TMCC1: variants seen among roughly 807,000 people sequenced by gnomAD.
TMCC1 encodes the protein transmembrane and coiled-coil domain family 1, also known as transmembrane and coiled-coil domains protein 1.
A neutral mutation model predicts 52.4 loss-of-function variants in TMCC1; 15 were observed. That is an observed-to-expected ratio of 0.29 (90% confidence interval 0.19 to 0.44). TMCC1 has a LOEUF of 0.44. Among genes scored for constraint, TMCC1 ranks in the 20% least tolerant of loss-of-function variants. TMCC1 has a pLI of 1.00. For synonymous variants in TMCC1, 279 were observed against 301.9 expected, an observed-to-expected ratio of 0.92 and a Z score of 0.79; for missense variants, 503 against 806.0, an observed-to-expected ratio of 0.62 and a Z score of 4.55.
intron 4 of TMCC1, among the ~76,000 whole-genome samples, chr3:129,700,302 CAAAA>C (rs1039511091): frequency 6.6e-6 from 1 of 151,784 alleles, no homozygotes; most frequent in Non-Finnish European, 1.5e-5. Context: ...ATAAAAAAGA[CAAAA>C]AAACCTATTA....
chr3:129,760,944 GTTCA>G (rs940082389), intron 4 of TMCC1, among the ~76,000 whole-genome samples: 2 of 152,054 alleles, frequency 1.3e-5, no homozygotes, highest in African/African-American at 4.8e-5. Context: ...ATACTTTAGA[GTTCA>G]TTCTTTGTGT....
chr3:129,753,693 T>G (rs1576693614), intron 4 of TMCC1, among the ~76,000 whole-genome samples: 1 of 152,166 alleles, frequency 6.6e-6, no homozygotes, highest in African/African-American at 2.4e-5. Flanking sequence ...AGAAGGAAAC[T>G]TCCTTAAACT....
chr3:129,653,579 G>A (rs2086480647), intron 6 of TMCC1, among the ~76,000 whole-genome samples: 1 of 152,194 alleles, frequency 6.6e-6, no homozygotes. Context: ...GAGTAGCTGG[G>A]ACTACAGGTG....
chr3:129,827,123 T>C (rs1005149535), intron 4 of TMCC1, among the ~76,000 whole-genome samples: 2 of 152,180 alleles, frequency 1.3e-5, no homozygotes, highest in Non-Finnish European at 2.9e-5. Flanking sequence ...AGTTCACTCA[T>C]TGTCACTACC....
chr3:129,699,179 C>G (rs548836307), intron 4 of TMCC1, among the ~76,000 whole-genome samples: 2 of 152,258 alleles, frequency 1.3e-5, no homozygotes, highest in Non-Finnish European at 2.9e-5. Flanking sequence ...AACACTGAGA[C>G]TTACTGGGCT....
chr3:129,830,999 A>G (rs1476018161), intron 3 of TMCC1, among the ~76,000 whole-genome samples: 1 of 152,124 alleles, frequency 6.6e-6, no homozygotes, highest in Admixed American at 6.5e-5. Context: ...CAGTGGCACA[A>G]TCTCAGCTCA....
At chr3:129,700,696 C>T (rs188555134) in intron 4 of TMCC1, among the ~76,000 whole-genome samples, 117 of 151,538 alleles carry the variant, frequency 7.7e-4, no homozygotes, top group African/African-American at 2.7e-3. Flanking sequence ...AGGCTGGTCT[C>T]GAACTCCTGA....
At chr3:129,737,528 A>G (rs1017052143) in intron 4 of TMCC1, among the ~76,000 whole-genome samples, 9 of 151,726 alleles carry the variant, frequency 5.9e-5, no homozygotes, top group African/African-American at 2.2e-4. Flanking sequence ...CCCTTTCACC[A>G]TGTGATGATG....
At chr3:129,695,241 G>T (rs191817724) in intron 4 of TMCC1, among the ~76,000 whole-genome samples, 51 of 151,996 alleles carry the variant, frequency 3.4e-4, no homozygotes, top group Non-Finnish European at 6.3e-4. Context: ...CCTTTCAAGG[G>T]AATGCTGGGT....
At chr3:129,860,598 A>T (rs938569461) in intron 2 of TMCC1, among the ~76,000 whole-genome samples, 1 of 151,392 alleles carries the variant, frequency 6.6e-6, no homozygotes, top group Non-Finnish European at 1.5e-5. Flanking sequence ...TAACAAACAC[A>T]TTATTATTTT....
intron 4 of TMCC1, among the ~76,000 whole-genome samples, chr3:129,722,062 C>A (rs542382992): frequency 6.6e-6 from 1 of 152,268 alleles, no homozygotes; most frequent in Non-Finnish European, 1.5e-5. Flanking sequence ...GTTTACCAAT[C>A]AATAAATAGT....
At chr3:129,706,649 G>A (rs1424004533) in intron 4 of TMCC1, among the ~76,000 whole-genome samples, 1 of 152,122 alleles carries the variant, frequency 6.6e-6, no homozygotes, top group Non-Finnish European at 1.5e-5. Context: ...ATTAACACAG[G>A]AAACTCCTAA....
intron 2 of TMCC1, among the ~76,000 whole-genome samples, chr3:129,858,658 C>T (rs2060250231): frequency 6.6e-6 from 1 of 152,128 alleles, no homozygotes; most frequent in South Asian, 2.1e-4. Context: ...AGGCATGAGC[C>T]ACCACACATG....
chr3:129,812,538 G>A (rs1366364653), intron 4 of TMCC1, among the ~76,000 whole-genome samples: 1 of 151,848 alleles, frequency 6.6e-6, no homozygotes, highest in Non-Finnish European at 1.5e-5. Flanking sequence ...TATTGAAGAA[G>A]CTATAAATTT....
chr3:129,654,229 C>T (rs577453051), intron 6 of TMCC1, among the ~76,000 whole-genome samples: 8 of 152,150 alleles, frequency 5.3e-5, no homozygotes, highest in South Asian at 2.1e-4. Flanking sequence ...TTCAGACTGA[C>T]GCCAACTATA....
intron 2 of TMCC1, among the ~76,000 whole-genome samples, chr3:129,859,600 G>A (rs2060291946): frequency 6.6e-6 from 1 of 151,748 alleles, no homozygotes; most frequent in Admixed American, 6.6e-5. Flanking sequence ...TCTCACCACT[G>A]CACTCCAGCC....
At chr3:129,758,076 A>C (rs1445620728) in intron 4 of TMCC1, among the ~76,000 whole-genome samples, 1 of 152,230 alleles carries the variant, frequency 6.6e-6, no homozygotes, top group Non-Finnish European at 1.5e-5. Flanking sequence ...TTGGCTGGAA[A>C]CTGTAAGACT....
At chr3:129,682,994 C>T (rs1301139507) in intron 4 of TMCC1, among the ~76,000 whole-genome samples, 1 of 152,220 alleles carries the variant, frequency 6.6e-6, no homozygotes, top group African/African-American at 2.4e-5. Flanking sequence ...CGCCACCATG[C>T]CCGGCTAATT....
In TMCC1 at chr3:129,722,470, G is replaced by A. The variant is rs554701951; in HGVS notation, c.577-51206C>T. Among the ~76,000 whole-genome samples the A allele has an allele frequency of 6.6e-5, 10 of 151,934 alleles. No homozygotes were observed. The South Asian group carries it at 2.1e-3, about 32-fold the overall frequency. ...CCGGTCCCTGGTGCCAAAAAGGTTG[G>A]GGACTGCTGGTTTAATCTACACTCA... On this transcript the variant is annotated intron_variant, in intron 4 of 6. Transcript: ENST00000393238.
Sources: allele counts gnomAD v4.1 joint callset (sites outside exome capture counted in the v4.1 genomes callset), GRCh38; gene constraint gnomAD v4.1.1; transcripts MANE v1.5; gene names NCBI Gene and HGNC (gene_info 2026-07-23, HGNC 2026-07-21).